The following TAFA2 variants were observed in gnomAD, a reference collection of about 807,000 sequenced individuals.
The protein encoded by TAFA2 is TAFA chemokine like family member 2, also known as chemokine-like protein TAFA-2.
TAFA2 carries 7 observed loss-of-function variants against 18.8 expected under a neutral mutation model. That is an observed-to-expected ratio of 0.37 (90% CI 0.21 to 0.70). The LOEUF is 0.70. Ranked by LOEUF, TAFA2 falls within the 30% of genes least tolerant of loss-of-function variation. The pLI, the probability that TAFA2 is intolerant of heterozygous loss-of-function variation, is 0.53. For synonymous variants in TAFA2, 60 were observed against 54.2 expected (o/e 1.11, Z -0.47); for missense variants, 122 against 158.1 (o/e 0.77, Z 1.23).
At chr12:62,118,547 G>GT (rs1870059852) in intron 1 of TAFA2, among the ~76,000 whole-genome samples, 1 of 152,046 alleles carries the variant, frequency 6.6e-6, no homozygotes, top group African/African-American at 2.4e-5. Flanking sequence ...ATTGTTTAAT[G>GT]TTTTTTAAAA....
chr12:61,790,201 G>A (rs1221669178), intron 2 of TAFA2, among the ~76,000 whole-genome samples: 4 of 149,072 alleles, frequency 2.7e-5, no homozygotes, highest in Non-Finnish European at 4.5e-5. Context: ...CCCAAAATTA[G>A]GTATAAAGGT....
chr12:62,190,654 C>A (rs1466596242), intron 1 of TAFA2, among the ~76,000 whole-genome samples: 1 of 152,170 alleles, frequency 6.6e-6, no homozygotes, highest in Non-Finnish European at 1.5e-5. Flanking sequence ...TCTAAATAAA[C>A]CTTACATAGA....
chr12:61,778,598 C>T (rs1449638460), intron 2 of TAFA2, among the ~76,000 whole-genome samples: 1 of 151,818 alleles, frequency 6.6e-6, no homozygotes, highest in East Asian at 2.0e-4. Flanking sequence ...GACAAATGTC[C>T]TGCCCTCAGG....
intron 2 of TAFA2, among the ~76,000 whole-genome samples, chr12:61,790,303 T>C: frequency 6.6e-6 from 1 of 151,902 alleles, no homozygotes; most frequent in East Asian, 1.9e-4. Flanking sequence ...CTTTAACATC[T>C]GGAACGAGAG....
chr12:62,129,248 TGAGAGAA>T (rs1870586509), intron 1 of TAFA2, among the ~76,000 whole-genome samples: 1 of 152,084 alleles, frequency 6.6e-6, no homozygotes, highest in Admixed American at 6.6e-5. Flanking sequence ...ACAGCAGTGC[TGAGAGAA>T]GTACTCTTTC....
chr12:61,876,311 A>G (rs1874844124), intron 1 of TAFA2, among the ~76,000 whole-genome samples: 1 of 152,200 alleles, frequency 6.6e-6, no homozygotes, highest in Non-Finnish European at 1.5e-5. Context: ...GCATGCTGGC[A>G]AAGGAGTGAA....
intron 1 of TAFA2, among the ~76,000 whole-genome samples, chr12:62,130,573 A>G (rs1017555434): frequency 2.0e-5 from 3 of 151,956 alleles, no homozygotes; most frequent in African/African-American, 7.2e-5. Flanking sequence ...CTTTGTGACT[A>G]TTCACATGTG....
intron 4 of TAFA2, among the ~76,000 whole-genome samples, chr12:61,743,491 C>T (rs1041950275): frequency 3.9e-5 from 6 of 152,052 alleles, no homozygotes; most frequent in African/African-American, 1.4e-4. Context: ...GGTAAATCTC[C>T]ACAAAATCCT....
intron 1 of TAFA2, among the ~76,000 whole-genome samples, chr12:61,962,173 C>T (rs1396123434): frequency 1.3e-5 from 2 of 151,930 alleles, no homozygotes; most frequent in African/African-American, 4.8e-5. Flanking sequence ...TCCAGGAATT[C>T]CTGTTTATTC....
intron 2 of TAFA2, among the ~76,000 whole-genome samples, chr12:61,761,073 G>A (rs1869525964): frequency 6.6e-6 from 1 of 151,804 alleles, no homozygotes; most frequent in Non-Finnish European, 1.5e-5. Context: ...TCAACAATAG[G>A]ACCTTTGGCT....
At position 61,867,337 on chromosome 12, in the gene TAFA2, C is replaced by T. The variant is rs181558760; in HGVS notation, c.89G>A (p.Ser30Asn). The change falls in exon 2 of 5, where the codon AGT becomes AAT. Residue 30 changes from serine (S) to asparagine (N), a missense_variant. Coordinates refer to ENST00000416284, the MANE Select transcript of TAFA2 (RefSeq NM_178539.5). ...IVTLWGKVVSSANHHKAHHVK... is the reference protein window; with the variant it reads ...IVTLWGKVVSNANHHKAHHVK... ...AAGCTTACCTTTATGATGGTTTGCA[C>T]TGGATACAACTTTCCCCCACAAGGT... 3.8e-6 allele frequency: 6 copies of T among 1,597,766 alleles called. No individual in the cohort carries two copies. The highest frequency in any genetic ancestry group is 5.1e-6 in the Non-Finnish European group (6 of 1,171,078).
intron 1 of TAFA2, among the ~76,000 whole-genome samples, chr12:62,181,956 T>C (rs886748555): frequency 1.4e-4 from 21 of 150,680 alleles, no homozygotes; most frequent in South Asian, 6.3e-4. Flanking sequence ...GCCCAATAAA[T>C]ACACAAGGAA....
intron 2 of TAFA2, among the ~76,000 whole-genome samples, chr12:61,839,960 AG>A (rs1454988304): frequency 2.0e-5 from 3 of 152,112 alleles, no homozygotes; most frequent in African/African-American, 7.2e-5. Flanking sequence ...CATAGACATG[AG>A]GAAAAGATTT....
chr12:61,737,398 T>C (rs1019587362), intron 4 of TAFA2, among the ~76,000 whole-genome samples: 2 of 151,942 alleles, frequency 1.3e-5, no homozygotes, highest in African/African-American at 4.8e-5. Flanking sequence ...ATGGAATGTG[T>C]CCTACACATA....
intron 1 of TAFA2, chr12:62,255,066 C>T (rs777174189): frequency 2.6e-5 from 4 of 152,104 alleles, no homozygotes; most frequent in South Asian, 2.1e-4. Context: ...TTTAAACTTT[C>T]GAATGAAACA....
chr12:62,190,495 C>G (rs2062616045), intron 1 of TAFA2, among the ~76,000 whole-genome samples: 1 of 152,148 alleles, frequency 6.6e-6, no homozygotes, highest in East Asian at 1.9e-4. Context: ...CGGGAGACAT[C>G]TAACCGGAAA....
intron 1 of TAFA2, among the ~76,000 whole-genome samples, chr12:61,885,635 T>C (rs952001089): frequency 6.6e-6 from 1 of 152,212 alleles, no homozygotes; most frequent in Non-Finnish European, 1.5e-5. Flanking sequence ...TCTTTCTGTG[T>C]GAAGAATGAA....
chr12:61,867,495 C>T (rs572301527), intron 1 of TAFA2, 69 bp from the exon 2 acceptor site: 2 of 904,848 alleles, frequency 2.2e-6, no homozygotes, highest in African/African-American at 3.4e-5. Flanking sequence ...GATTGTGCTA[C>T]ATGTAAAGCC....
chr12:61,838,187 A>C (rs916937116), intron 2 of TAFA2, among the ~76,000 whole-genome samples: 5 of 151,992 alleles, frequency 3.3e-5, no homozygotes, highest in Admixed American at 2.6e-4. Context: ...GCAGGAGGAA[A>C]AAATAAAATT....
Sources: allele counts gnomAD v4.1 joint callset (sites outside exome capture counted in the v4.1 genomes callset), GRCh38; gene constraint gnomAD v4.1.1; transcripts MANE v1.5; gene names NCBI Gene and HGNC (gene_info 2026-07-23, HGNC 2026-07-21).